Variants in HHAT observed in about 807,000 individuals in gnomAD.
The protein encoded by HHAT is protein-cysteine N-palmitoyltransferase HHAT.
Under a neutral mutation model 70.8 loss-of-function variants are expected in HHAT, and 47 were observed. The observed-to-expected ratio is 0.66, with a 90% CI of 0.53 to 0.85. The LOEUF is 0.85. HHAT is among the 40% of genes least tolerant of loss of function. The probability of loss-of-function intolerance (pLI) is 0.00; values close to 1 mark genes in which losing one functional copy is unlikely to be tolerated. For missense variants in HHAT, 609 were observed against 604.8 expected (o/e 1.01, Z -0.07); for synonymous variants, 228 against 247.6 (o/e 0.92, Z 0.74).
intron 9 of HHAT, among the ~76,000 whole-genome samples, chr1:210,571,734 G>C (rs1197502339): frequency 6.6e-6 from 1 of 152,174 alleles, no homozygotes; most frequent in Non-Finnish European, 1.5e-5. Context: ...GGAAGTGGCT[G>C]TTTCCTAGCC....
intron 10 of HHAT, among the ~76,000 whole-genome samples, chr1:210,617,320 T>C (rs1667950134): frequency 1.3e-5 from 2 of 152,212 alleles, no homozygotes; most frequent in Non-Finnish European, 2.9e-5. Flanking sequence ...CTATTTTGGA[T>C]TTCAGTCTCT....
rs568780908 is a variant in HHAT at position 210,539,260 on chromosome 1, G to A, written c.1043+26072G>A. Among the ~76,000 whole-genome samples, 6 of 152,294 alleles carry A rather than the reference G, an allele frequency of 3.9e-5. No homozygotes were observed. In the South Asian group the frequency reaches 6.2e-4, roughly 16 times the overall value. ...CAGGCCAAAAAAACAGTGGAACAAG[G>A]CCTATTGAGTACTGAGAGGGAAAGA... On this transcript the variant is annotated intron_variant, in intron 9 of 11. Coordinates refer to ENST00000261458, the MANE Select transcript of HHAT (RefSeq NM_018194.6).
intron 9 of HHAT, among the ~76,000 whole-genome samples, chr1:210,568,311 A>G (rs1655269744): frequency 6.6e-6 from 1 of 152,226 alleles, no homozygotes; most frequent in Non-Finnish European, 1.5e-5. Context: ...GCATCTCTTC[A>G]TCTCTATCTT....
At position 210,587,956 on chromosome 1, in the gene HHAT, A is replaced by G. The variant is rs2148787644; in HGVS notation, c.1102A>G (p.Thr368Ala). 6.2e-7 allele frequency: 1 copy of G among 1,614,034 alleles called. No homozygotes were observed. The highest frequency in any genetic ancestry group is 8.5e-7 in the Non-Finnish European group (1 of 1,180,006). ...TGGCCTGCTGGGGACACTGTTTTCC[A>G]CGGCGATGACATTTGCATTTGTGAG... ...QHGLLGTLFSTAMTFAFVSYW... is the reference protein window; with the variant it reads ...QHGLLGTLFSAAMTFAFVSYW... The change falls in exon 10 of 12, where the codon ACG becomes GCG. Residue 368 changes from threonine to alanine, a missense_variant. Thr to Ala is a moderately conservative substitution (Grantham distance 58, BLOSUM62 0). Transcript: ENST00000261458.
At chr1:210,617,375 T>C (rs1205990711) in intron 10 of HHAT, among the ~76,000 whole-genome samples, 1 of 152,232 alleles carries the variant, frequency 6.6e-6, no homozygotes, top group South Asian at 2.1e-4. Context: ...TAGAGGCACA[T>C]AATGTGCTTG....
chr1:210,447,443 A>C (rs540554287), intron 7 of HHAT, among the ~76,000 whole-genome samples: 81 of 152,312 alleles, frequency 5.3e-4, no homozygotes, highest in African/African-American at 1.9e-3. Flanking sequence ...TTTGGTGCGC[A>C]CTTGATTGAG....
intron 2 of HHAT, among the ~76,000 whole-genome samples, chr1:210,359,103 G>A (rs906350056): frequency 1.3e-5 from 2 of 152,184 alleles, no homozygotes; most frequent in South Asian, 4.1e-4. Context: ...CTGGAAGAAA[G>A]AGCAGGTTCT....
intron 9 of HHAT, among the ~76,000 whole-genome samples, chr1:210,541,641 C>G (rs1416059581): frequency 6.6e-6 from 1 of 152,184 alleles, no homozygotes; most frequent in Non-Finnish European, 1.5e-5. Context: ...GCAGGAGAAT[C>G]ACTTGAACCC....
At chr1:210,671,929 A>ACTT (rs1558403650) in intron 11 of HHAT, among the ~76,000 whole-genome samples, 3 of 152,220 alleles carry the variant, frequency 2.0e-5, no homozygotes, top group Admixed American at 6.5e-5. Flanking sequence ...AGCCAGGCTA[A>ACTT]GGCGCAAGGA....
At chr1:210,402,070 T>C (rs2092102054) in intron 5 of HHAT, among the ~76,000 whole-genome samples, 2 of 152,182 alleles carry the variant, frequency 1.3e-5, no homozygotes. Context: ...CCAAGGTCTG[T>C]GGCTGCAGGG....
chr1:210,454,282 G>A (rs1178780700), intron 7 of HHAT, among the ~76,000 whole-genome samples: 8 of 152,074 alleles, frequency 5.3e-5, no homozygotes, highest in African/African-American at 1.4e-4. Context: ...GGCCGGGCAC[G>A]GTGACTCACG....
At chr1:210,381,641 A>T (rs2148118130) in intron 3 of HHAT, among the ~76,000 whole-genome samples, 1 of 152,294 alleles carries the variant, frequency 6.6e-6, no homozygotes, top group South Asian at 2.1e-4. Flanking sequence ...TTGTAGATGT[A>T]AACTTCTGAG....
At chr1:210,664,425 G>C (rs901259371) in intron 11 of HHAT, among the ~76,000 whole-genome samples, 21 of 152,232 alleles carry the variant, frequency 1.4e-4, no homozygotes, top group African/African-American at 5.1e-4. Context: ...AGTGCATAAA[G>C]TCATTCTGAA....
At chr1:210,499,497 G>T (rs1411957055) in intron 8 of HHAT, among the ~76,000 whole-genome samples, 1 of 152,090 alleles carries the variant, frequency 6.6e-6, no homozygotes, top group Non-Finnish European at 1.5e-5. Context: ...AAATTAGCTG[G>T]GCATGGTGAT....
At chr1:210,524,419 C>A (rs2095214721) in intron 9 of HHAT, among the ~76,000 whole-genome samples, 1 of 151,994 alleles carries the variant, frequency 6.6e-6, no homozygotes, top group Admixed American at 6.5e-5. Flanking sequence ...GAAGGAGTCA[C>A]CAGGGAAAGG....
chr1:210,386,339 C>T (rs1325539434), intron 3 of HHAT, among the ~76,000 whole-genome samples: 2 of 144,028 alleles, frequency 1.4e-5, no homozygotes, highest in Non-Finnish European at 1.5e-5. Flanking sequence ...CCCGGGTTCA[C>T]GCCATTCTCC....
In HHAT at chr1:210,674,270, T is replaced by C. The variant is rs761328120; in HGVS notation, c.1391-18T>C. 2 of 1,601,694 alleles carry C rather than the reference T, an allele frequency of 1.2e-6. No individual in the cohort carries two copies. The highest frequency in any genetic ancestry group is 2.2e-5 in the South Asian group (2 of 90,776). Reference sequence around the variant, plus strand: ...AAGCATTTCTAACTGCTCTTCCATCTCTGTCCTCCCTCTGCAGGCTGGCCT... The same window carrying C: ...AAGCATTTCTAACTGCTCTTCCATCCCTGTCCTCCCTCTGCAGGCTGGCCT... On this transcript the variant is annotated intron_variant, in intron 11 of 11. Transcript: ENST00000261458.
chr1:210,575,743 C>A (rs1657579925), intron 9 of HHAT, among the ~76,000 whole-genome samples: 1 of 152,206 alleles, frequency 6.6e-6, no homozygotes, highest in Non-Finnish European at 1.5e-5. Flanking sequence ...CACAAAGACA[C>A]ATGTGTCATC....
At chr1:210,330,241 T>G (rs1328222861) in intron 1 of HHAT, among the ~76,000 whole-genome samples, 1 of 152,190 alleles carries the variant, frequency 6.6e-6, no homozygotes, top group Non-Finnish European at 1.5e-5. Context: ...TCGTTGCCAG[T>G]CAGTCCCTAA....
Sources: allele counts gnomAD v4.1 joint callset (sites outside exome capture counted in the v4.1 genomes callset), GRCh38; gene constraint gnomAD v4.1.1; transcripts MANE v1.5; gene names NCBI Gene and HGNC (gene_info 2026-07-23, HGNC 2026-07-21).